The following RBFOX1 variants were observed in gnomAD, a reference collection of about 807,000 sequenced individuals.
RBFOX1 encodes the protein RNA binding fox-1 homolog 1.
RBFOX1 carries 8 observed loss-of-function variants against 57.7 expected under a neutral mutation model. The ratio of observed to expected loss-of-function variants is 0.14; its 90% CI spans 0.08 to 0.25. The LOEUF is 0.25. Among genes scored for constraint, RBFOX1 ranks in the 10% least tolerant of loss-of-function variants. The pLI is 1.00. For synonymous variants in RBFOX1, 326 were observed against 222.4 expected (o/e 1.47, Z -4.15); for missense variants, 611 against 548.5 (o/e 1.11, Z -1.14).
At chr16:7,104,400 G>T (rs761856166) in intron 4 of RBFOX1, among the ~76,000 whole-genome samples, 3 of 152,104 alleles carry the variant, frequency 2.0e-5, no homozygotes, top group Admixed American at 6.6e-5. Context: ...AGGACAGTAT[G>T]CCCCTCTGAT....
At chr16:5,316,547 C>G (rs1485901404) in intron 1 of RBFOX1, among the ~76,000 whole-genome samples, 1 of 152,204 alleles carries the variant, frequency 6.6e-6, no homozygotes, top group Non-Finnish European at 1.5e-5. Flanking sequence ...GTACCAATAA[C>G]TGGGGGACAT....
intron 3 of RBFOX1, among the ~76,000 whole-genome samples, chr16:6,932,743 A>G (rs1403249801): frequency 6.6e-6 from 1 of 152,204 alleles, no homozygotes; most frequent in Non-Finnish European, 1.5e-5. Flanking sequence ...GTGTGAAATA[A>G]ATACAATGTA....
chr16:6,833,548 C>G (rs1326239564), intron 3 of RBFOX1, among the ~76,000 whole-genome samples: 1 of 152,174 alleles, frequency 6.6e-6, no homozygotes, highest in East Asian at 1.9e-4. Context: ...GCCAGCTACT[C>G]TCTGACAGTC....
intron 3 of RBFOX1, among the ~76,000 whole-genome samples, chr16:6,903,826 A>C (rs937422410): frequency 6.6e-6 from 1 of 152,160 alleles, no homozygotes; most frequent in African/African-American, 2.4e-5. Flanking sequence ...CATCCCCAAC[A>C]GGCGGGCTGT....
At chr16:5,406,665 T>C (rs915974476) in intron 1 of RBFOX1, among the ~76,000 whole-genome samples, 6 of 152,178 alleles carry the variant, frequency 3.9e-5, no homozygotes, top group African/African-American at 9.7e-5. Flanking sequence ...TGTATGTATA[T>C]GTGTGTGTGT....
chr16:5,769,557 G>A (rs2053906901), intron 3 of RBFOX1, among the ~76,000 whole-genome samples: 1 of 152,094 alleles, frequency 6.6e-6, no homozygotes, highest in African/African-American at 2.4e-5. Flanking sequence ...GGAGGCTGAG[G>A]CAAGAGAATT....
intron 4 of RBFOX1, among the ~76,000 whole-genome samples, chr16:5,940,665 C>T (rs867148566): frequency 3.9e-5 from 6 of 152,202 alleles, no homozygotes; most frequent in East Asian, 3.9e-4. Context: ...TGGGAGCACC[C>T]GTGGTAAATC....
chr16:6,838,420 G>A (rs563666589), intron 3 of RBFOX1, among the ~76,000 whole-genome samples: 2 of 152,110 alleles, frequency 1.3e-5, no homozygotes, highest in African/African-American at 4.8e-5. Flanking sequence ...TCTTTATCCA[G>A]TCTATTATTG....
intron 14 of RBFOX1, among the ~76,000 whole-genome samples, chr16:7,686,967 C>T (rs190243894): frequency 2.8e-4 from 43 of 152,200 alleles, no homozygotes; most frequent in Non-Finnish European, 5.9e-4. Context: ...GAGAGATTCA[C>T]AGACCTTATC....
At chr16:5,825,052 G>T (rs989883167) in intron 3 of RBFOX1, among the ~76,000 whole-genome samples, 3 of 152,210 alleles carry the variant, frequency 2.0e-5, no homozygotes, top group Non-Finnish European at 4.4e-5. Flanking sequence ...GGCCTGGAGA[G>T]TTTGACTAAG....
intron 4 of RBFOX1, among the ~76,000 whole-genome samples, chr16:7,175,708 C>T (rs999223281): frequency 6.6e-6 from 1 of 152,192 alleles, no homozygotes; most frequent in South Asian, 2.1e-4. Flanking sequence ...CCCGAGGTTA[C>T]CTCTTCCAGC....
Position 5,652,499 on chromosome 16 carries a change from CTT to C in RBFOX1, c.318+53540_318+53541del, listed in dbSNP as rs1203751471. ...ATAAATTATTATCTTTAATCAGAGT[CTT>C]TGTGCAACAGGAGGGATGACAGGAT... On this transcript the variant is annotated intron_variant, in intron 3 of 19. Coordinates refer to the RBFOX1 transcript ENST00000641259. 6.6e-5 allele frequency among the ~76,000 whole-genome samples: 10 copies of C among 152,272 alleles called. No individual in the cohort carries two copies. The East Asian group carries it at 1.9e-3, about 30-fold the overall frequency.
intron 2 of RBFOX1, among the ~76,000 whole-genome samples, chr16:6,589,953 A>T (rs993346376): frequency 1.3e-5 from 2 of 152,278 alleles, no homozygotes; most frequent in African/African-American, 2.4e-5. Context: ...TGAAGAAAAG[A>T]ATCAATAATG....
At chr16:7,259,432 C>A (rs1257087133) in intron 4 of RBFOX1, among the ~76,000 whole-genome samples, 1 of 151,896 alleles carries the variant, frequency 6.6e-6, no homozygotes, top group Non-Finnish European at 1.5e-5. Context: ...GAGTGAGACC[C>A]CTGTAGAGTT....
intron 3 of RBFOX1, among the ~76,000 whole-genome samples, chr16:6,866,539 C>CTCTTTTTTTTTTTT (rs1161474639): frequency 4.1e-5 from 2 of 49,088 alleles, no homozygotes; most frequent in Admixed American, 2.2e-4. Context: ...TTCTTTCCTT[C>CTCTTTTTTTTTTTT]TATTTTTTTT....
At chr16:7,698,080 T>G (rs2079365460) in intron 14 of RBFOX1, among the ~76,000 whole-genome samples, 1 of 152,110 alleles carries the variant, frequency 6.6e-6, no homozygotes, top group Non-Finnish European at 1.5e-5. Flanking sequence ...TCACCAGACG[T>G]CTTTTTGCTG....
intron 4 of RBFOX1, among the ~76,000 whole-genome samples, chr16:7,054,545 T>TGGGGGGGGG (rs71147645): frequency 7.4e-5 from 8 of 108,466 alleles, no homozygotes; most frequent in African/African-American, 8.6e-5. Context: ...CAAACCTGGG[T>TGGGGGGGGG]GGGGGGGCAT....
chr16:6,168,574 G>A (rs996716592), intron 1 of RBFOX1, among the ~76,000 whole-genome samples: 2 of 152,092 alleles, frequency 1.3e-5, no homozygotes, highest in African/African-American at 2.4e-5. Flanking sequence ...CAGAGGACCC[G>A]TCAGATAACA....
chr16:5,585,967 G>A (rs2046815980), intron 2 of RBFOX1, among the ~76,000 whole-genome samples: 1 of 152,298 alleles, frequency 6.6e-6, no homozygotes, highest in Non-Finnish European at 1.5e-5. Context: ...CTTTACAGAT[G>A]GAATAAATTC....
Sources: allele counts gnomAD v4.1 joint callset (sites outside exome capture counted in the v4.1 genomes callset), GRCh38; gene constraint gnomAD v4.1.1; transcripts MANE v1.5; gene names NCBI Gene and HGNC (gene_info 2026-07-23, HGNC 2026-07-21).